SLC38A9: variants seen among roughly 807,000 people sequenced by gnomAD.
The protein encoded by SLC38A9 is solute carrier family 38 member 9, also known as neutral amino acid transporter 9.
Under a neutral mutation model 62.3 loss-of-function variants are expected in SLC38A9, and 48 were observed. The ratio of observed to expected loss-of-function variants is 0.77; its 90% CI spans 0.61 to 0.98. The LOEUF (loss-of-function observed/expected upper bound fraction) is 0.98. SLC38A9 is among the 50% of genes least tolerant of loss of function. The pLI is 0.00. For synonymous variants in SLC38A9, 204 were observed against 227.7 expected, an observed-to-expected ratio of 0.90 and a Z score of 0.94; for missense variants, 541 against 679.8, an observed-to-expected ratio of 0.80 and a Z score of 2.27.
Position 55,635,584 on chromosome 5 carries a change from G to A in SLC38A9, c.1241C>T (p.Ser414Leu). The change falls in exon 13 of 16, where the codon TCA becomes TTA. Residue 414 changes from serine (S) to leucine (L), a missense_variant. Ser to Leu is a moderately radical substitution (Grantham distance 145, BLOSUM62 -2). Transcript: ENST00000396865. ...TTTGGATAATGGTGGTGAAGGAAAT[G>A]AAGCAAAAACCAGGACTCCAATATA... ...YLYIGVLVFA[S>L]FPSPPLSKDC... is the part of the protein sequence containing the mutation. 6.2e-7 allele frequency: 1 copy of A among 1,613,802 alleles called. No homozygotes were observed. The highest frequency in any genetic ancestry group is 1.7e-5 in the Admixed American group (1 of 59,996).
intron 14 of SLC38A9, among the ~76,000 whole-genome samples, chr5:55,632,451 AAACAAC>A: frequency 6.6e-6 from 1 of 151,356 alleles, no homozygotes; most frequent in East Asian, 1.9e-4. Flanking sequence ...AAACAAAAAC[AAACAAC>A]AACAACAACA....
intron 7 of SLC38A9, among the ~76,000 whole-genome samples, chr5:55,667,953 T>G (rs1280310773): frequency 6.6e-6 from 1 of 152,144 alleles, no homozygotes; most frequent in Non-Finnish European, 1.5e-5. Context: ...AGCAGATCAC[T>G]TGAGCCCAGT....
chr5:55,694,613 T>G (rs536050306), intron 3 of SLC38A9, among the ~76,000 whole-genome samples: 2 of 152,286 alleles, frequency 1.3e-5, no homozygotes, highest in Non-Finnish European at 2.9e-5. Context: ...TTTGTTTCTA[T>G]TTTCATTTTT....
intron 3 of SLC38A9, chr5:55,675,135 TCAATATTATTGGTTC>T (rs1382689226): frequency 6.6e-6 from 1 of 152,222 alleles, no homozygotes; most frequent in Non-Finnish European, 1.5e-5. Context: ...CTTTAAAAAT[TCAATATTATTGGTTC>T]CAACCACTAA....
At chr5:55,667,317 T>C (rs916402700) in intron 7 of SLC38A9, among the ~76,000 whole-genome samples, 1 of 152,216 alleles carries the variant, frequency 6.6e-6, no homozygotes, top group African/African-American at 2.4e-5. Flanking sequence ...GAAAACTGCT[T>C]TAGCATTTCA....
chr5:55,626,879 T>C (rs1309493839), intron 15 of SLC38A9, among the ~76,000 whole-genome samples: 1 of 152,168 alleles, frequency 6.6e-6, no homozygotes, highest in Non-Finnish European at 1.5e-5. Flanking sequence ...AGCATCTGCT[T>C]AACAAAGACT....
At chr5:55,628,794 G>A (rs1249946572) in intron 14 of SLC38A9, among the ~76,000 whole-genome samples, 5 of 152,054 alleles carry the variant, frequency 3.3e-5, no homozygotes, top group African/African-American at 9.7e-5. Context: ...AACAATTCAA[G>A]GTTTGGGAAA....
chr5:55,651,449 C>T (rs1439706281), intron 10 of SLC38A9, among the ~76,000 whole-genome samples: 3 of 151,744 alleles, frequency 2.0e-5, no homozygotes, highest in Non-Finnish European at 4.4e-5. Context: ...AGGGTTTCAC[C>T]ATCTTGGCCA....
At chr5:55,640,984 G>A (rs1041195386) in intron 12 of SLC38A9, among the ~76,000 whole-genome samples, 2 of 152,030 alleles carry the variant, frequency 1.3e-5, no homozygotes, top group South Asian at 2.1e-4. Flanking sequence ...TTACAGGCAT[G>A]TGCCACCACG....
chr5:55,695,911 T>G (rs1580397971), intron 3 of SLC38A9: 1 of 74,902 alleles, frequency 1.3e-5, no homozygotes, highest in African/African-American at 4.2e-5. Flanking sequence ...CCCCCCCACC[T>G]CCCTCCCGGA....
At chr5:55,699,171 C>T (rs1461688444) in intron 2 of SLC38A9, among the ~76,000 whole-genome samples, 1 of 152,144 alleles carries the variant, frequency 6.6e-6, no homozygotes, top group African/African-American at 2.4e-5. Flanking sequence ...AGGAGAATAG[C>T]TTGAACCCAG....
At chr5:55,691,150 G>C in intron 3 of SLC38A9, 1 of 746,394 alleles carries the variant, frequency 1.3e-6, no homozygotes. Context: ...TTCTCAGTTA[G>C]AAAAATCTTG....
intron 2 of SLC38A9, among the ~76,000 whole-genome samples, chr5:55,710,451 G>T (rs960689408): frequency 1.3e-5 from 2 of 151,866 alleles, no homozygotes; most frequent in African/African-American, 2.4e-5. Flanking sequence ...CAAATGATCC[G>T]CCCACCTCAG....
chr5:55,626,438 C>T lies in SLC38A9; in HGVS notation c.*56G>A, dbSNP rs1742414462. 7.1e-7 allele frequency: 1 copy of T among 1,416,332 alleles called. No homozygotes were observed. The highest frequency in any genetic ancestry group is 9.7e-7 in the Non-Finnish European group (1 of 1,025,814). 87.7% of individuals were successfully genotyped at this position (1,416,332 alleles called of 1,614,324 possible). On this transcript the variant is annotated 3_prime_UTR_variant, in exon 16 of 16. Coordinates refer to ENST00000396865, the MANE Select transcript of SLC38A9 (RefSeq NM_173514.4). ...CATTTACAAGTGAATTTATATAGAA[C>T]TGTTGTCAAGGCTCAAAATATCATG...
At chr5:55,631,592 T>C (rs950282578) in intron 14 of SLC38A9, among the ~76,000 whole-genome samples, 1 of 152,230 alleles carries the variant, frequency 6.6e-6, no homozygotes, top group African/African-American at 2.4e-5. Context: ...ATAATAACAC[T>C]AGAACCATAG....
At chr5:55,698,167 C>A (rs1756174787) in intron 2 of SLC38A9, among the ~76,000 whole-genome samples, 175 bp from the exon 3 acceptor site, 1 of 152,056 alleles carries the variant, frequency 6.6e-6, no homozygotes, top group Admixed American at 6.6e-5. Flanking sequence ...GGAGTTATTT[C>A]TTGTTTTTCA....
At chr5:55,655,262 C>T (rs377490450) in intron 9 of SLC38A9, among the ~76,000 whole-genome samples, 11 of 108,934 alleles carry the variant, frequency 1.0e-4, no homozygotes, top group Admixed American at 6.3e-4. Flanking sequence ...ACTATATAAA[C>T]TGACTTTGCT....
intron 14 of SLC38A9, chr5:55,633,536 T>A (rs1016633064): frequency 7.9e-6 from 4 of 508,432 alleles, no homozygotes; most frequent in African/African-American, 1.9e-5. Flanking sequence ...CGGAGCTAAT[T>A]AACTATACTG....
intron 2 of SLC38A9, among the ~76,000 whole-genome samples, chr5:55,706,907 G>A (rs1026824083): frequency 4.0e-5 from 6 of 150,046 alleles, no homozygotes; most frequent in Non-Finnish European, 8.9e-5. Flanking sequence ...AACTGTACTC[G>A]TTGCTCCTGA....
Sources: allele counts gnomAD v4.1 joint callset (sites outside exome capture counted in the v4.1 genomes callset), GRCh38; gene constraint gnomAD v4.1.1; transcripts MANE v1.5; gene names NCBI Gene and HGNC (gene_info 2026-07-23, HGNC 2026-07-21).